The following PWWP2A variants were observed in gnomAD, a reference collection of about 807,000 sequenced individuals.
The protein encoded by PWWP2A is PWWP domain containing 2A.
In PWWP2A, 18 loss-of-function variants were observed where a neutral mutation model predicts 48.5. The ratio of observed to expected loss-of-function variants is 0.37; its 90% CI spans 0.26 to 0.55. PWWP2A has a LOEUF of 0.55. Among genes scored for constraint, PWWP2A ranks in the 20% least tolerant of loss-of-function variants. PWWP2A has a pLI of 0.81. For missense variants in PWWP2A, 867 were observed against 976.4 expected (o/e 0.89, Z 1.49); for synonymous variants, 396 against 387.7 (o/e 1.02, Z -0.25).
At chr5:160,087,659 C>A (rs1000149685), downstream of PWWP2A, among the ~76,000 whole-genome samples, 3 of 152,102 alleles carry the variant, frequency 2.0e-5, no homozygotes, top group Non-Finnish European at 4.4e-5. Context: ...GTATTTAATG[C>A]CACAGAACTG....
chr5:160,118,711 G>A, intron 1 of PWWP2A, 94 bp downstream of exon 1: 2 of 1,227,684 alleles, frequency 1.6e-6, no homozygotes, highest in Non-Finnish European at 2.1e-6. Context: ...CCCGGGCAGC[G>A]GGGAAGCGAG....
intron 2 of PWWP2A, among the ~76,000 whole-genome samples, chr5:160,082,101 A>G (rs2113474594): frequency 6.6e-6 from 1 of 152,322 alleles, no homozygotes; most frequent in African/African-American, 2.4e-5. Context: ...TATACTATCA[A>G]CTATAACCCA....
intron 2 of PWWP2A, among the ~76,000 whole-genome samples, chr5:160,080,990 G>A (rs1319206802): frequency 6.6e-6 from 1 of 152,126 alleles, no homozygotes; most frequent in Non-Finnish European, 1.5e-5. Flanking sequence ...TGCCAGGAGA[G>A]GGCACTCTCC....
intron 2 of PWWP2A, among the ~76,000 whole-genome samples, chr5:160,067,297 T>C (rs1313466082): frequency 2.6e-5 from 4 of 152,180 alleles, no homozygotes; most frequent in African/African-American, 9.7e-5. Context: ...TTTTGTCTTA[T>C]GAAAATAGCT....
chr5:160,089,679 T>G, downstream of PWWP2A: 2 of 1,281,504 alleles, frequency 1.6e-6, no homozygotes, highest in African/African-American at 1.5e-5. Context: ...ATAAAGACAT[T>G]CTTAGCTTTC....
At chr5:160,108,583 G>C in intron 1 of PWWP2A, 1 of 1,287,522 alleles carries the variant, frequency 7.8e-7, no homozygotes, top group Non-Finnish European at 1.0e-6. Flanking sequence ...CCCACCAAAA[G>C]TAGGGCTATT....
At chr5:160,044,504 CCTCCCCTTTTTAGAATA>C in the PWWP2A span, among the ~76,000 whole-genome samples, 2 of 152,170 alleles carry the variant, frequency 1.3e-5, no homozygotes, top group South Asian at 4.1e-4. Context: ...ACTGAGGGTC[CCTCCCCTTTTTAGAATA>C]TATAGGGTAA....
downstream of PWWP2A, among the ~76,000 whole-genome samples, chr5:160,074,799 T>G (rs1431642638): frequency 6.6e-6 from 1 of 151,068 alleles, no homozygotes; most frequent in Non-Finnish European, 1.5e-5. Flanking sequence ...TAATTTCTTA[T>G]TCTGATAAAA....
exon 4 of PWWP2A, chr5:160,075,955 TTAAGA>T (rs1385186662): frequency 1.3e-5 from 2 of 152,058 alleles, no homozygotes; most frequent in African/African-American, 4.8e-5. Flanking sequence ...CTGAGCATAC[TTAAGA>T]TGAGAAACAA....
chr5:160,074,898 A>G (rs559844533), downstream of PWWP2A, among the ~76,000 whole-genome samples: 69 of 152,282 alleles, frequency 4.5e-4, no homozygotes, highest in African/African-American at 1.5e-3. Flanking sequence ...CAGGAGTTTG[A>G]GACCAGCCTG....
chr5:160,111,893 A>T (rs1399548833), intron 1 of PWWP2A, among the ~76,000 whole-genome samples: 6 of 152,050 alleles, frequency 3.9e-5, no homozygotes, highest in Admixed American at 3.9e-4. Context: ...TGTGGCTTAC[A>T]CCTGTAATCC....
intron 2 of PWWP2A, among the ~76,000 whole-genome samples, chr5:160,081,005 C>G (rs972170440): frequency 1.3e-5 from 2 of 152,094 alleles, no homozygotes; most frequent in Admixed American, 1.3e-4. Flanking sequence ...CTCTCCGGCT[C>G]AAGTCAAATC....
exon 4 of PWWP2A, chr5:160,076,256 T>C (rs35524643): frequency 6.6e-6 from 1 of 152,228 alleles, no homozygotes; most frequent in South Asian, 2.1e-4. Flanking sequence ...TACTTCTTGG[T>C]CATTTCCATC....
the PWWP2A span, among the ~76,000 whole-genome samples, chr5:160,046,410 TTC>T: frequency 6.6e-6 from 1 of 152,180 alleles, no homozygotes; most frequent in Non-Finnish European, 1.5e-5. Flanking sequence ...TTCCTTCTTA[TTC>T]TCCTCTGTTA....
At chr5:160,117,387 G>A (rs1361688921) in intron 1 of PWWP2A, among the ~76,000 whole-genome samples, 1 of 152,254 alleles carries the variant, frequency 6.6e-6, no homozygotes. Flanking sequence ...GGGCACGGCG[G>A]CTCATGCCTG....
the PWWP2A span, among the ~76,000 whole-genome samples, chr5:160,050,345 G>A: frequency 0.066 from 10,043 of 151,536 alleles, 388 homozygotes; most frequent in East Asian, 0.12. Flanking sequence ...TACTCGAGAG[G>A]CTGAGGCAGG....
downstream of PWWP2A, among the ~76,000 whole-genome samples, chr5:160,088,103 T>G (rs962408289): frequency 6.6e-6 from 1 of 152,248 alleles, no homozygotes; most frequent in African/African-American, 2.4e-5. Context: ...ATTTGGAATA[T>G]GAAGGGCCTA....
chr5:160,075,345 C>T (rs1753843210), downstream of PWWP2A, among the ~76,000 whole-genome samples: 1 of 152,076 alleles, frequency 6.6e-6, no homozygotes, highest in South Asian at 2.1e-4. Context: ...CAAAGGATTG[C>T]TTTTCTTGAA....
intron 2 of PWWP2A, among the ~76,000 whole-genome samples, chr5:160,070,398 A>G (rs183780432): frequency 6.6e-6 from 1 of 152,308 alleles, no homozygotes; most frequent in Non-Finnish European, 1.5e-5. Flanking sequence ...ACTTGAGCCC[A>G]GGAGTTTGAG....
Sources: allele counts gnomAD v4.1 joint callset (sites outside exome capture counted in the v4.1 genomes callset), GRCh38; gene constraint gnomAD v4.1.1; transcripts MANE v1.5; gene names NCBI Gene and HGNC (gene_info 2026-07-23, HGNC 2026-07-21).